Variants in SUCO observed in about 807,000 individuals in gnomAD.
The protein encoded by SUCO is SUN domain containing ossification factor.
A neutral mutation model predicts 148.1 loss-of-function variants in SUCO; 57 were observed. The observed-to-expected ratio is 0.38, with a 90% confidence interval of 0.31 to 0.48. The LOEUF is 0.48. Among genes scored for constraint, SUCO ranks in the 20% least tolerant of loss-of-function variants. The pLI is 0.96. For missense variants in SUCO, 1,331 were observed against 1,468.2 expected (o/e 0.91, Z 1.53); for synonymous variants, 470 against 502.7 (o/e 0.93, Z 0.87).
chr1:172,582,588 T>G lies in SUCO; in HGVS notation c.1499-2430T>G, dbSNP rs527708414. ...ATATTTATCTCTAGTTTGGCAATTATATTCAAAGATGTCATTTTAGTCTAT... is the reference window on the plus strand; with the variant it reads ...ATATTTATCTCTAGTTTGGCAATTAGATTCAAAGATGTCATTTTAGTCTAT... On this transcript the variant is annotated intron_variant, in intron 15 of 23. Coordinates refer to ENST00000263688, the MANE Select transcript of SUCO (RefSeq NM_014283.5). 3.6e-3 allele frequency among the ~76,000 whole-genome samples: 545 copies of G among 152,284 alleles called. 2 individuals carry two copies. Among genetic ancestry groups the G allele is most frequent in the African/African-American group, 0.013 (524 of 41,582 alleles).
Position 172,588,917 on chromosome 1 carries a change from T to C in SUCO, c.1816T>C (p.Ser606Pro). The C allele has an allele frequency of 1.2e-6, 2 of 1,612,858 alleles. No homozygotes were observed. The highest frequency in any genetic ancestry group is 1.1e-5 in the South Asian group (1 of 90,902). Residue 606 changes from serine to proline, a missense_variant, in exon 18 of 24, where the codon TCA (serine) becomes CCA (proline). Coordinates refer to ENST00000263688, the MANE Select transcript of SUCO (RefSeq NM_014283.5). Reference protein sequence around the residue: ...LGSGEQEDESSPWFESETQIF... With the variant: ...LGSGEQEDESPPWFESETQIF... ...CAGCGGTGAACAGGAAGATGAATCA[T>C]CACCCTGGTTTGAGTCAGAGACACA...
At chr1:172,577,580 C>T in intron 12 of SUCO, 21 bp downstream of exon 12, 1 of 1,610,110 alleles carries the variant, frequency 6.2e-7, no homozygotes, top group South Asian at 1.1e-5. Flanking sequence ...TTCTCTTTTG[C>T]ACTATTAAAT....
intron 2 of SUCO, chr1:172,552,557 T>G (rs930876973): frequency 3.9e-4 from 318 of 816,358 alleles, no homozygotes; most frequent in Admixed American, 5.6e-4. Flanking sequence ...GAGGGTTTTT[T>G]GGGCATATTT....
chr1:172,586,818 A>G (rs1416554621), intron 17 of SUCO, among the ~76,000 whole-genome samples: 1 of 152,188 alleles, frequency 6.6e-6, no homozygotes, highest in Non-Finnish European at 1.5e-5. Flanking sequence ...TTTGAAAGGC[A>G]TAGTGAGAAA....
Position 172,609,940 on chromosome 1 carries a change from A to T in SUCO, c.3446A>T (p.Asn1149Ile), listed in dbSNP as rs769591263. ...KPFTNQRDFS[N>I]MGEVYHSSYK... ...TTTACGAACCAGAGAGATTTTTCTA[A>T]TATGGGAGAAGTTTATCACTCTTCT... is the stretch of plus-strand genomic sequence containing the variant. The change falls in exon 24 of 24, where the codon AAT (asparagine) becomes ATT (isoleucine). Residue 1149 changes from asparagine (N) to isoleucine (I), a missense_variant. By Grantham distance (149) the Asn-to-Ile change is moderately radical (BLOSUM62 -3). Transcript: ENST00000263688. The T allele has an allele frequency of 6.2e-7, 1 of 1,613,962 alleles. No homozygotes were observed. The highest frequency in any genetic ancestry group is 8.5e-7 in the Non-Finnish European group (1 of 1,179,874).
chr1:172,595,053 C>G (rs373016266), intron 19 of SUCO, among the ~76,000 whole-genome samples: 3 of 152,136 alleles, frequency 2.0e-5, no homozygotes, highest in East Asian at 3.8e-4. Context: ...TTCTTTGTCT[C>G]TTTTGATCTT....
Position 172,584,634 on chromosome 1 carries a change from G to A in SUCO, c.1499-384G>A, listed in dbSNP as rs189302426. Among the ~76,000 whole-genome samples the A allele has an allele frequency of 4.6e-5, 7 of 152,182 alleles. No homozygotes were observed. In the East Asian group the frequency reaches 5.8e-4, roughly 13 times the overall value. On this transcript the variant is annotated intron_variant, in intron 15 of 23. Coordinates refer to ENST00000263688, the MANE Select transcript of SUCO (RefSeq NM_014283.5). ...CTAAAATACAAAAAATTAGCTGGAC[G>A]TGGTGGCATGTGCCTGTAGTCCCAG... is the stretch of plus-strand genomic sequence containing the variant.
intron 23 of SUCO, chr1:172,609,155 C>G (rs1194686511): frequency 1.4e-6 from 1 of 717,764 alleles, no homozygotes; most frequent in East Asian, 1.3e-4. Flanking sequence ...GAATGCATGC[C>G]AAGCACAGAG....
In SUCO at chr1:172,557,754, C is replaced by G. The variant is rs894578995; in HGVS notation, c.692C>G (p.Pro231Arg). 2.4e-5 allele frequency: 38 copies of G among 1,606,140 alleles called. No individual in the cohort carries two copies. Among genetic ancestry groups the G allele is most frequent in the Non-Finnish European group, 3.4e-6 (4 of 1,178,012 alleles). ...VSASEQGGGDPKSALNASDNL... is the reference protein window; with the variant it reads ...VSASEQGGGDRKSALNASDNL... The stretch of plus-strand genomic sequence containing the variant: ...GCAAGTGAACAGGGCGGTGGTGATC[C>G]AAAATCTGCATTGAATGCTTCAGAT... The change falls in exon 6 of 24, where the codon CCA becomes CGA. Residue 231 changes from proline (P) to arginine (R), a missense_variant. Pro to Arg is a moderately radical substitution (Grantham distance 103). Transcript: ENST00000263688.
intron 22 of SUCO, among the ~76,000 whole-genome samples, chr1:172,606,091 T>C (rs899367079): frequency 2.0e-5 from 3 of 151,650 alleles, no homozygotes; most frequent in African/African-American, 4.8e-5. Context: ...ATTGCATTTT[T>C]AATACCAGTT....
At chr1:172,573,051 G>A (rs542519741) in intron 9 of SUCO, among the ~76,000 whole-genome samples, 30 of 152,044 alleles carry the variant, frequency 2.0e-4, no homozygotes, top group South Asian at 6.2e-4. Flanking sequence ...AGCTTTATTG[G>A]GGTATAGTTG....
chr1:172,545,647 T>G (rs1232719377), intron 1 of SUCO, among the ~76,000 whole-genome samples: 1 of 152,152 alleles, frequency 6.6e-6, no homozygotes, highest in East Asian at 1.9e-4. Flanking sequence ...GAAACTAGAT[T>G]TCAGCAGGCT....
rs141887675 is a variant in SUCO at position 172,589,333 on chromosome 1, G to C, written c.2232G>C (p.Leu744Phe). 52 of 1,613,174 alleles carry C rather than the reference G, an allele frequency of 3.2e-5. No homozygotes were observed. The highest frequency in any genetic ancestry group is 4.1e-5 in the Non-Finnish European group (48 of 1,179,704). Residue 744 changes from leucine (L) to phenylalanine (F), a missense_variant, in exon 18 of 24, where the codon TTG becomes TTC. By Grantham distance (22) the Leu-to-Phe change is conservative (BLOSUM62 0). Coordinates refer to ENST00000263688, the MANE Select transcript of SUCO (RefSeq NM_014283.5). Reference protein sequence around the residue: ...LLDITPEINPLPKIEVSESVE... With the variant: ...LLDITPEINPFPKIEVSESVE... Reference sequence around the variant, plus strand: ...ATATTACCCCAGAAATCAATCCCTTGCCTAAAATAGAAGTATCTGAGTCTG... The same window carrying C: ...ATATTACCCCAGAAATCAATCCCTTCCCTAAAATAGAAGTATCTGAGTCTG...
chr1:172,559,536 C>T (rs1312942599), intron 6 of SUCO, among the ~76,000 whole-genome samples: 4 of 152,138 alleles, frequency 2.6e-5, no homozygotes, highest in Non-Finnish European at 5.9e-5. Context: ...TTAATTGAAG[C>T]GGCAGTGTAC....
At chr1:172,585,343 A>C (rs1390529160) in intron 16 of SUCO, 2 of 169,734 alleles carry the variant, frequency 1.2e-5, no homozygotes, top group Non-Finnish European at 2.4e-5. Context: ...AATAGCAATG[A>C]TTTTATTCCT....
intron 6 of SUCO, among the ~76,000 whole-genome samples, chr1:172,559,124 T>C (rs1213747010): frequency 6.6e-6 from 1 of 152,204 alleles, no homozygotes; most frequent in African/African-American, 2.4e-5. Context: ...TCTGATGCCT[T>C]GTGCTAGCCT....
upstream of SUCO, chr1:172,532,882 G>C: frequency 1.3e-6 from 2 of 1,487,000 alleles, no homozygotes; most frequent in Non-Finnish European, 1.8e-6. Context: ...GGCGGGACCT[G>C]GGGCGGGCGG....
chr1:172,562,691 T>C (rs1654265768), intron 6 of SUCO, among the ~76,000 whole-genome samples: 2 of 152,194 alleles, frequency 1.3e-5, no homozygotes, highest in African/African-American at 4.8e-5. Flanking sequence ...ATACCAAGTT[T>C]AATCATACAC....
intron 6 of SUCO, 54 bp from the exon 7 acceptor site, chr1:172,568,965 T>A: frequency 6.9e-7 from 1 of 1,443,568 alleles, no homozygotes; most frequent in East Asian, 2.6e-5. Context: ...TTTCTAAAAT[T>A]TATTTGTATT....
Sources: gnomAD v4.1 joint callset for allele counts (sites outside exome capture counted in the v4.1 genomes callset) on GRCh38, gnomAD v4.1.1 for gene constraint, MANE v1.5 for transcripts, NCBI Gene and HGNC (gene_info 2026-07-23, HGNC 2026-07-21) for gene names.